DMD: variants seen among roughly 807,000 people sequenced by gnomAD.
DMD encodes the protein mutant dystrophin.
In DMD, 63 loss-of-function variants were observed where a neutral mutation model predicts 330.1. That is an observed-to-expected ratio of 0.19 (90% CI 0.16 to 0.24). The LOEUF is 0.24. Ranked by LOEUF, DMD falls within the 10% of genes least tolerant of loss-of-function variation. The pLI is 1.00. For missense variants in DMD, 3,344 were observed against 2,684.1 expected, an observed-to-expected ratio of 1.25 and a Z score of -5.43; for synonymous variants, 1,223 against 959.8, an observed-to-expected ratio of 1.27 and a Z score of -5.07.
At chrX:32,886,384 A>T (rs765043719) in intron 2 of DMD, among the ~76,000 whole-genome samples, 31 of 111,320 alleles carry the variant, frequency 2.8e-4, no homozygotes, top group African/African-American at 9.5e-4. Flanking sequence ...AAGACCCTTT[A>T]AAAAATGTTA....
chrX:33,081,503 A>C (rs2094929276), intron 1 of DMD, among the ~76,000 whole-genome samples: 1 of 111,802 alleles, frequency 8.9e-6, no homozygotes, highest in African/African-American at 3.3e-5. Context: ...CAAACTGCTG[A>C]CCTCAAGTGA....
intron 1 of DMD, among the ~76,000 whole-genome samples, chrX:33,149,734 A>G (rs2048190091): frequency 9.0e-6 from 1 of 111,089 alleles, no homozygotes; most frequent in Admixed American, 9.7e-5. Context: ...CACCAAAGCA[A>G]CATACATATG....
At chrX:32,899,989 T>C (rs2086097746) in intron 2 of DMD, among the ~76,000 whole-genome samples, 1 of 111,660 alleles carries the variant, frequency 9.0e-6, no homozygotes, top group Admixed American at 9.6e-5. Flanking sequence ...AAAAAGAAAG[T>C]TTGTGAACCA....
intron 62 of DMD, among the ~76,000 whole-genome samples, chrX:31,318,194 A>C (rs1292208919): frequency 8.9e-6 from 1 of 112,167 alleles, no homozygotes; most frequent in Non-Finnish European, 1.9e-5. Context: ...GTCAAGATTC[A>C]GATGCTACTG....
chrX:31,699,774 C>T (rs760070483), intron 52 of DMD, among the ~76,000 whole-genome samples: 3 of 111,553 alleles, frequency 2.7e-5, no homozygotes, highest in South Asian at 3.8e-4. Flanking sequence ...TAGGGGTTGG[C>T]GGGTAGAGAA....
At chrX:31,149,441 T>C (rs934948187) in intron 74 of DMD, among the ~76,000 whole-genome samples, 3 of 112,120 alleles carry the variant, frequency 2.7e-5, no homozygotes, top group African/African-American at 9.7e-5. Flanking sequence ...CCTTTGATCT[T>C]CTCCATGATT....
At position 32,869,703 on chromosome X, in the gene DMD, A is replaced by T. The variant is rs1196691458; in HGVS notation, c.94-19883T>A. 2.7e-5 allele frequency among the ~76,000 whole-genome samples: 3 copies of T among 110,343 alleles called. No homozygotes were observed. In the South Asian group the frequency reaches 1.2e-3, roughly 43 times the overall value. On this transcript the variant is annotated intron_variant, in intron 2 of 78. Coordinates refer to ENST00000357033, the MANE Select transcript of DMD (RefSeq NM_004006.3). ...ACCAGCAGACAAGATTAGAGAAAAA[A>T]GAATGCAAAGGAATGAATAGACGCA... is the stretch of plus-strand genomic sequence containing the variant.
chrX:32,786,086 AGTGTGTGTGTGTGTGT>A (rs368269067), intron 7 of DMD, among the ~76,000 whole-genome samples: 1 of 96,545 alleles, frequency 1.0e-5, no homozygotes, highest in Non-Finnish European at 2.1e-5. Context: ...GAGGAATAAG[AGTGTGTGTGTGTGTGT>A]GTGTGTGTGT....
chrX:31,556,894 T>C (rs1788978899), intron 55 of DMD, among the ~76,000 whole-genome samples: 1 of 111,391 alleles, frequency 9.0e-6, no homozygotes, highest in Non-Finnish European at 1.9e-5. Context: ...TAAAATTAAA[T>C]ATGCAATTTG....
At chrX:32,075,653 A>G in intron 44 of DMD, among the ~76,000 whole-genome samples, 1 of 111,344 alleles carries the variant, frequency 9.0e-6, no homozygotes, top group South Asian at 3.7e-4. Context: ...TAAAGTTTTC[A>G]TGGAAAAAAA....
chrX:32,441,087 GGTT>G, intron 28 of DMD, 90 bp downstream of exon 28: 1 of 957,222 alleles, frequency 1.0e-6, no homozygotes, highest in Admixed American at 2.3e-5. Context: ...TACTCTCTTG[GGTT>G]GTTTTCTTTG....
intron 1 of DMD, among the ~76,000 whole-genome samples, chrX:33,116,669 A>G (rs961035426): frequency 8.9e-6 from 1 of 112,007 alleles, no homozygotes; most frequent in African/African-American, 3.2e-5. Context: ...ACAAAAGTTC[A>G]TAGAAAAAAG....
chrX:32,874,260 T>C (rs2083215204), intron 2 of DMD, among the ~76,000 whole-genome samples: 1 of 112,101 alleles, frequency 8.9e-6, no homozygotes, highest in Non-Finnish European at 1.9e-5. Flanking sequence ...ACAAGTTCAT[T>C]TTTACAGAGA....
chrX:33,197,367 G>T (rs1343146614), intron 1 of DMD, among the ~76,000 whole-genome samples: 3 of 112,038 alleles, frequency 2.7e-5, no homozygotes, highest in African/African-American at 9.7e-5. Context: ...TATAAAAACT[G>T]GGAAATTATT....
At chrX:31,126,803 GAAAA>G (rs58738809) in intron 77 of DMD, 130 bp from the exon 78 acceptor site, 4,991 of 245,217 alleles carry the variant, frequency 0.02, no homozygotes, top group East Asian at 0.026. Flanking sequence ...TTCTCTGCTG[GAAAA>G]AAAAAAAAAA....
chrX:31,560,244 T>C (rs1420439918), intron 55 of DMD, among the ~76,000 whole-genome samples: 2 of 111,744 alleles, frequency 1.8e-5, no homozygotes, highest in Admixed American at 9.5e-5. Context: ...AAGTGGGGCC[T>C]GGGATTTCAA....
chrX:31,725,951 G>A (rs1005391313), intron 52 of DMD, among the ~76,000 whole-genome samples: 6 of 112,239 alleles, frequency 5.3e-5, no homozygotes, highest in South Asian at 7.4e-4. Context: ...TAATTCAGAC[G>A]CCTCCAAGGA....
intron 18 of DMD, among the ~76,000 whole-genome samples, chrX:32,512,300 A>C (rs1460717347): frequency 8.9e-6 from 1 of 111,977 alleles, no homozygotes; most frequent in Admixed American, 9.5e-5. Flanking sequence ...TCCTACTCCG[A>C]CATTAGAAGT....
intron 9 of DMD, among the ~76,000 whole-genome samples, chrX:32,668,903 T>C (rs1321467532): frequency 3.6e-5 from 4 of 111,436 alleles, no homozygotes; most frequent in African/African-American, 9.8e-5. Context: ...TTATCGAAGC[T>C]GTATGCTGAA....
Sources: gnomAD v4.1 joint callset for allele counts (sites outside exome capture counted in the v4.1 genomes callset) on GRCh38, gnomAD v4.1.1 for gene constraint, MANE v1.5 for transcripts, NCBI Gene and HGNC (gene_info 2026-07-23, HGNC 2026-07-21) for gene names.